TLN2: variants seen among roughly 807,000 people sequenced by gnomAD.
The protein encoded by TLN2 is talin-2.
In TLN2, 118 loss-of-function variants were observed where a neutral mutation model predicts 294.7. The ratio of observed to expected loss-of-function variants is 0.40; its 90% CI spans 0.34 to 0.47. TLN2 has a LOEUF of 0.47. Ranked by LOEUF, TLN2 falls within the 20% of genes least tolerant of loss-of-function variation. The pLI, the probability that TLN2 is intolerant of heterozygous loss-of-function variation, is 0.84. For missense variants in TLN2, 3,083 were observed against 3,282.2 expected (o/e 0.94, Z 1.48); for synonymous variants, 1,431 against 1,304.5 (o/e 1.10, Z -2.09).
At chr15:62,687,951 C>T (rs556328341) in intron 12 of TLN2, 1 of 152,150 alleles carries the variant, frequency 6.6e-6, no homozygotes, top group African/African-American at 2.4e-5. Context: ...ATCAAGAAAT[C>T]AATATAAACA....
rs2053607513 is a variant in TLN2, at chr15:62,659,689, G to A, written c.788+1791G>A. Among the ~76,000 whole-genome samples, 2 of 152,152 alleles carry A rather than the reference G, an allele frequency of 1.3e-5. 1 individual carries two copies. The highest frequency in any genetic ancestry group is 2.9e-5 in the Non-Finnish European group (2 of 68,022). ...ATAATATCAAGTTTATGCCTGTAGT[G>A]GTACCTGTACCCTTATTCAGATTCC... On this transcript the variant is annotated intron_variant, in intron 9 of 58. Coordinates refer to ENST00000636159, the MANE Select transcript of TLN2 (RefSeq NM_015059.3).
intron 1 of TLN2, among the ~76,000 whole-genome samples, chr15:62,529,104 TTG>T (rs112430968): frequency 6.6e-6 from 1 of 151,478 alleles, no homozygotes; most frequent in African/African-American, 2.4e-5. Flanking sequence ...CTTTTTTTTT[TTG>T]TGTGTGTGTG....
intron 3 of TLN2, among the ~76,000 whole-genome samples, chr15:62,623,545 A>T (rs757874956): frequency 6.6e-6 from 1 of 152,230 alleles, no homozygotes; most frequent in Non-Finnish European, 1.5e-5. Flanking sequence ...ATGAGAATGC[A>T]TCGTACCTAA....
chr15:62,676,812 A>G (rs569183697), intron 11 of TLN2, among the ~76,000 whole-genome samples: 12 of 152,244 alleles, frequency 7.9e-5, no homozygotes, highest in Non-Finnish European at 1.6e-4. Context: ...ACAGGGTTTC[A>G]CCGTGTTGCC....
At chr15:62,680,245 T>G (rs1412500995) in intron 11 of TLN2, among the ~76,000 whole-genome samples, 1 of 152,216 alleles carries the variant, frequency 6.6e-6, no homozygotes, top group Non-Finnish European at 1.5e-5. Flanking sequence ...ATGAAATTTA[T>G]AGATCAATTT....
intron 42 of TLN2, among the ~76,000 whole-genome samples, chr15:62,771,588 A>T (rs1285234573): frequency 6.6e-6 from 1 of 152,252 alleles, no homozygotes; most frequent in Non-Finnish European, 1.5e-5. Flanking sequence ...TGTGTCACCC[A>T]GCTGCTTTAA....
rs143584586 is a variant in TLN2, at chr15:62,837,468, T to G, written c.7375-1388T>G. 4.3e-3 allele frequency among the ~76,000 whole-genome samples: 653 copies of G among 152,340 alleles called. 3 individuals are homozygous for G. The highest frequency in any genetic ancestry group is 0.015 in the African/African-American group (611 of 41,572). ...ATAGAGCCATCCACACTGACTCTTA[T>G]GAGGGTCAAATAGGAGAATGCATAT... is the stretch of plus-strand genomic sequence containing the variant. On this transcript the variant is annotated intron_variant, in intron 57 of 58. Coordinates refer to ENST00000636159, the MANE Select transcript of TLN2 (RefSeq NM_015059.3).
intron 46 of TLN2, 88 bp from the exon 47 acceptor site, chr15:62,796,039 A>G (rs1413199327): frequency 6.6e-7 from 1 of 1,508,704 alleles, no homozygotes; most frequent in Non-Finnish European, 9.0e-7. Flanking sequence ...ATCAACTCCT[A>G]GGAGAGAATT....
chr15:62,466,485 G>A (rs557687724), intron 1 of TLN2, among the ~76,000 whole-genome samples: 1 of 152,308 alleles, frequency 6.6e-6, no homozygotes, highest in South Asian at 2.1e-4. Context: ...CCCCTTTCAG[G>A]TGTGACAGCC....
chr15:62,797,291 T>A lies in TLN2; in HGVS notation c.6123T>A (p.Thr2041=). Reference sequence around the variant, plus strand: ...TACTTGTGTCAGGAGCTGCGTCCACTCCTGACAAGCTGGCCCAGGCGGCCC... The same window carrying A: ...TACTTGTGTCAGGAGCTGCGTCCACACCTGACAAGCTGGCCCAGGCGGCCC... The part of the protein sequence containing the change: ...TKLLVSGAAS[T]PDKLAQAAQS... The change falls in exon 48 of 59, where the codon ACT becomes ACA. Residue 2041 remains threonine (T), a synonymous_variant. Transcript: ENST00000636159. 6.2e-7 allele frequency: 1 copy of A among 1,613,706 alleles called. No homozygotes were observed.
chr15:62,552,006 A>G lies in TLN2; in HGVS notation c.-237-37681A>G, dbSNP rs566482058. On this transcript the variant is annotated intron_variant, in intron 1 of 58. Coordinates refer to ENST00000636159, the MANE Select transcript of TLN2 (RefSeq NM_015059.3). ...AGACAAAACATTGACTTTATTCGTC[A>G]GTTAGCCCAGTTAATCTTGACATTG... Among the ~76,000 whole-genome samples the G allele has an allele frequency of 1.6e-4, 25 of 152,350 alleles. 1 individual carries two copies. Among genetic ancestry groups the G allele is most frequent in the African/African-American group, 6.0e-4 (25 of 41,584 alleles).
chr15:62,593,776 T>C (rs939926951), intron 2 of TLN2, among the ~76,000 whole-genome samples: 2 of 152,174 alleles, frequency 1.3e-5, no homozygotes, highest in Non-Finnish European at 2.9e-5. Context: ...ATAAAATAAC[T>C]AGTGTACTAC....
chr15:62,627,631 A>C (rs1209214760), intron 3 of TLN2, among the ~76,000 whole-genome samples: 2 of 152,234 alleles, frequency 1.3e-5, no homozygotes, highest in South Asian at 4.1e-4. Flanking sequence ...GAGCAATACT[A>C]CATGCAGGCT....
At chr15:62,813,098 T>C (rs1246491712) in intron 52 of TLN2, among the ~76,000 whole-genome samples, 1 of 152,198 alleles carries the variant, frequency 6.6e-6, no homozygotes, top group Non-Finnish European at 1.5e-5. Flanking sequence ...TGACCACTAC[T>C]TTCTTTGCCA....
intron 1 of TLN2, among the ~76,000 whole-genome samples, chr15:62,450,259 A>G (rs749634093): frequency 3.9e-5 from 6 of 152,104 alleles, no homozygotes; most frequent in Non-Finnish European, 8.8e-5. Context: ...TGAGCGGGGA[A>G]TTGCTGTTGC....
intron 1 of TLN2, among the ~76,000 whole-genome samples, chr15:62,447,184 T>TTTATTTATTTAATTAA (rs1369075863): frequency 7.3e-5 from 11 of 151,644 alleles, no homozygotes; most frequent in African/African-American, 2.7e-4. Context: ...TATTTATTTA[T>TTTATTTATTTAATTAA]TTAATTAGGA....
chr15:62,569,109 T>A (rs2043650180), intron 1 of TLN2, among the ~76,000 whole-genome samples: 1 of 152,216 alleles, frequency 6.6e-6, no homozygotes, highest in South Asian at 2.1e-4. Flanking sequence ...GCCTCTGTCT[T>A]CATACAGTCT....
At chr15:62,577,648 G>T (rs2140672471) in intron 1 of TLN2, among the ~76,000 whole-genome samples, 1 of 151,706 alleles carries the variant, frequency 6.6e-6, no homozygotes, top group South Asian at 2.1e-4. Context: ...GAGTACATAG[G>T]GGTTCATGAT....
At chr15:62,403,972 A>G (rs967339205) in intron 1 of TLN2, among the ~76,000 whole-genome samples, 1 of 152,212 alleles carries the variant, frequency 6.6e-6, no homozygotes, top group Non-Finnish European at 1.5e-5. Context: ...TGTATCCCCA[A>G]GTGCCTGCAA....
Sources: allele counts gnomAD v4.1 joint callset (sites outside exome capture counted in the v4.1 genomes callset), GRCh38; gene constraint gnomAD v4.1.1; transcripts MANE v1.5; gene names NCBI Gene and HGNC (gene_info 2026-07-23, HGNC 2026-07-21).